The following E2F3 variants were observed in gnomAD, a reference collection of about 807,000 sequenced individuals.
E2F3 encodes the protein E2F transcription factor 3.
A neutral mutation model predicts 44.4 loss-of-function variants in E2F3; 11 were observed. The ratio of observed to expected loss-of-function variants is 0.25; its 90% CI spans 0.16 to 0.41. E2F3 has a LOEUF of 0.41. Among genes scored for constraint, E2F3 ranks in the 10% least tolerant of loss-of-function variants. The pLI, the probability that E2F3 is intolerant of heterozygous loss-of-function variation, is 1.00. For synonymous variants in E2F3, 249 were observed against 253.0 expected, an observed-to-expected ratio of 0.98 and a Z score of 0.15; for missense variants, 487 against 583.6, an observed-to-expected ratio of 0.83 and a Z score of 1.70.
chr6:20,491,633 CAGGAT>C lies in E2F3; in HGVS notation c.*1204_*1208del. 5.2e-6 allele frequency: 1 copy of C among 192,190 alleles called. No homozygotes were observed. Among genetic ancestry groups the C allele is most frequent in the East Asian group, 8.1e-5 (1 of 12,272 alleles). 11.9% of individuals were successfully genotyped at this position (192,190 alleles called of 1,614,324 possible). ...CACCGCACTCAGGGAGACCACTTCTCAGGATGGGGTCAGATGGAGAGACCTCTAGG... is the reference window on the plus strand; with the variant it reads ...CACCGCACTCAGGGAGACCACTTCTCGGGGTCAGATGGAGAGACCTCTAGG... On this transcript the variant is annotated 3_prime_UTR_variant, in exon 7 of 7. Transcript: ENST00000346618.
chr6:20,423,608 T>A (rs1760101575), intron 1 of E2F3, among the ~76,000 whole-genome samples: 2 of 151,294 alleles, frequency 1.3e-5, no homozygotes, highest in South Asian at 4.2e-4. Context: ...GTAACTGGGA[T>A]TACAGGCGCC....
At position 20,419,428 on chromosome 6, in the gene E2F3, C is replaced by T. The variant is rs538991574; in HGVS notation, c.393+16803C>T. Among the ~76,000 whole-genome samples the T allele has an allele frequency of 2.2e-4, 33 of 152,304 alleles. No individual in the cohort carries two copies. The South Asian group carries it at 5.2e-3, about 24-fold the overall frequency. ...CAAAAAGGCTGAACAAATTTATATTCCCACCACAAGTGTAGAGAGTTGCCT... is the reference window on the plus strand; with the variant it reads ...CAAAAAGGCTGAACAAATTTATATTTCCACCACAAGTGTAGAGAGTTGCCT... On this transcript the variant is annotated intron_variant, in intron 1 of 6. Coordinates refer to ENST00000346618, the MANE Select transcript of E2F3 (RefSeq NM_001949.5).
chr6:20,440,246 G>A (rs1300669702), intron 1 of E2F3: 2 of 152,074 alleles, frequency 1.3e-5, no homozygotes, highest in African/African-American at 4.8e-5. Context: ...TTTTGCCACA[G>A]GTACATGACT....
rs1367365186 is a variant in E2F3, at chr6:20,407,774, G to A, written c.393+5149G>A. Among the ~76,000 whole-genome samples the A allele has an allele frequency of 2.0e-5, 3 of 152,248 alleles. No homozygotes were observed. In the East Asian group the frequency reaches 5.8e-4, roughly 29 times the overall value. On this transcript the variant is annotated intron_variant, in intron 1 of 6. Coordinates refer to ENST00000346618, the MANE Select transcript of E2F3 (RefSeq NM_001949.5). Reference sequence around the variant, plus strand: ...GATTTTACAAATATTCCATTTGTAGGACCAGTTTACATCTACTTTCCCAAG... The same window carrying A: ...GATTTTACAAATATTCCATTTGTAGAACCAGTTTACATCTACTTTCCCAAG...
In E2F3 at chr6:20,490,799, C is replaced by T. The variant is rs1762534514; in HGVS notation, c.*369C>T. The T allele has an allele frequency of 4.2e-6, 1 of 235,598 alleles. No individual in the cohort carries two copies. The highest frequency in any genetic ancestry group is 1.8e-4 in the South Asian group (1 of 5,688). 14.6% of individuals were successfully genotyped at this position (235,598 alleles called of 1,614,324 possible). On this transcript the variant is annotated 3_prime_UTR_variant, in exon 7 of 7. Coordinates refer to ENST00000346618, the MANE Select transcript of E2F3 (RefSeq NM_001949.5). The surrounding 1 kb of genome is among the most constrained non-coding windows in gnomAD (Gnocchi z 4.3). ...GATGGGCTGTAGAATGGGGTCTGGCCACCTGGCCTGCTGGGAAACAGCAAT... is the reference window on the plus strand; with the variant it reads ...GATGGGCTGTAGAATGGGGTCTGGCTACCTGGCCTGCTGGGAAACAGCAAT...
chr6:20,405,891 A>G (rs1157375029), intron 1 of E2F3, among the ~76,000 whole-genome samples: 1 of 152,214 alleles, frequency 6.6e-6, no homozygotes, highest in Non-Finnish European at 1.5e-5. Context: ...AGTCTTAAGC[A>G]CTGAATATAA....
At chr6:20,425,985 C>A (rs1249267341) in intron 1 of E2F3, among the ~76,000 whole-genome samples, 1 of 152,180 alleles carries the variant, frequency 6.6e-6, no homozygotes, top group African/African-American at 2.4e-5. Context: ...CTGTTGAGCT[C>A]CCACTGGGAG....
Position 20,492,643 on chromosome 6 carries a change from G to GTT in E2F3, c.*2214_*2215dup. 4.3e-6 allele frequency: 1 copy of GTT among 232,050 alleles called. No individual in the cohort carries two copies. Among genetic ancestry groups the GTT allele is most frequent in the East Asian group, 6.1e-5 (1 of 16,480 alleles). The allele number at this position is 232,050 out of a possible 1,614,324, so 14.4% of individuals were successfully genotyped here. On this transcript the variant is annotated 3_prime_UTR_variant, in exon 7 of 7. Coordinates refer to ENST00000346618, the MANE Select transcript of E2F3 (RefSeq NM_001949.5). ...AAGACTGAGCTCACCTGGCTAGATT[G>GTT]TTGTGTGTTTTGTTGAATTTTTTCA...
At chr6:20,447,903 A>G (rs373796761) in intron 1 of E2F3, among the ~76,000 whole-genome samples, 2 of 152,186 alleles carry the variant, frequency 1.3e-5, no homozygotes, top group African/African-American at 4.8e-5. Context: ...AAGGTGAGCA[A>G]GTGGAGGCCC....
intron 1 of E2F3, among the ~76,000 whole-genome samples, chr6:20,436,780 A>G (rs975616966): frequency 6.6e-6 from 1 of 152,232 alleles, no homozygotes; most frequent in Non-Finnish European, 1.5e-5. Flanking sequence ...CTACTAAAGC[A>G]TAATGGTTAA....
intron 1 of E2F3, among the ~76,000 whole-genome samples, chr6:20,459,929 T>A (rs756981723): frequency 1.3e-5 from 2 of 152,198 alleles, no homozygotes; most frequent in Non-Finnish European, 2.9e-5. Flanking sequence ...AGCAAGACCC[T>A]GTCTCAAAAG....
intron 5 of E2F3, among the ~76,000 whole-genome samples, chr6:20,487,307 A>G (rs1762422840): frequency 6.6e-6 from 1 of 152,220 alleles, no homozygotes; most frequent in Non-Finnish European, 1.5e-5. Flanking sequence ...GGCCTAGACT[A>G]CAACTATAAC....
At chr6:20,460,798 C>G (rs1241186307) in intron 1 of E2F3, among the ~76,000 whole-genome samples, 2 of 151,652 alleles carry the variant, frequency 1.3e-5, no homozygotes, top group Non-Finnish European at 2.9e-5. Context: ...GAGTTCGAGA[C>G]CAGCCTGGCC....
At position 20,407,278 on chromosome 6, in the gene E2F3, G is replaced by C. The variant is rs558156719; in HGVS notation, c.393+4653G>C. Among the ~76,000 whole-genome samples the C allele has an allele frequency of 2.2e-4, 34 of 152,206 alleles. 2 individuals carry two copies. The South Asian group carries it at 6.2e-3, about 28-fold the overall frequency. On this transcript the variant is annotated intron_variant, in intron 1 of 6. Transcript: ENST00000346618. The stretch of plus-strand genomic sequence containing the variant: ...TTAATATAATGCAGTGCCCAGACTT[G>C]GGCACTACAGGTAGCTCCACTATAA...
chr6:20,424,617 T>C (rs1007403716), intron 1 of E2F3, among the ~76,000 whole-genome samples: 1 of 152,034 alleles, frequency 6.6e-6, no homozygotes. Context: ...AAAATTACAG[T>C]TTTTATGTTC....
rs149445580 is a variant in E2F3 at position 20,415,665 on chromosome 6, G to T, written c.393+13040G>T. 8.9e-3 allele frequency among the ~76,000 whole-genome samples: 1,358 copies of T among 152,260 alleles called. 13 individuals are homozygous for T. Among genetic ancestry groups the T allele is most frequent in the African/African-American group, 0.031 (1,292 of 41,540 alleles). ...AGTACATATTTAAATTTTAAAATAT[G>T]ATATACATTTTAAAAGCAACGGATT... is the stretch of plus-strand genomic sequence containing the variant. On this transcript the variant is annotated intron_variant, in intron 1 of 6. Coordinates refer to ENST00000346618, the MANE Select transcript of E2F3 (RefSeq NM_001949.5).
Position 20,473,326 on chromosome 6 carries a change from G to A in E2F3, c.394-6520G>A, listed in dbSNP as rs1761950997. On this transcript the variant is annotated intron_variant, in intron 1 of 6. Coordinates refer to ENST00000346618, the MANE Select transcript of E2F3 (RefSeq NM_001949.5). ...TAGTTATAAGCATGGACTTGTAGGT[G>A]TGCTTACTGGCTATAGAATCTTGGA... is the stretch of plus-strand genomic sequence containing the variant. 1.3e-5 allele frequency among the ~76,000 whole-genome samples: 2 copies of A among 152,166 alleles called. 1 individual carries two copies. Among genetic ancestry groups the A allele is most frequent in the South Asian group, 4.1e-4 (2 of 4,826 alleles).
intron 1 of E2F3, among the ~76,000 whole-genome samples, chr6:20,434,985 G>C (rs1760527305): frequency 6.6e-6 from 1 of 152,238 alleles, no homozygotes; most frequent in South Asian, 2.1e-4. Context: ...AGGGCCGACA[G>C]ATTTGGCGTC....
chr6:20,433,789 G>A (rs181306784), intron 1 of E2F3, among the ~76,000 whole-genome samples: 3 of 151,858 alleles, frequency 2.0e-5, no homozygotes, highest in Non-Finnish European at 4.4e-5. Context: ...CTGAGAAAAG[G>A]GGTCCAATAG....
Sources: gnomAD v4.1 joint callset for allele counts (sites outside exome capture counted in the v4.1 genomes callset) on GRCh38, gnomAD v4.1.1 for gene constraint, Gnocchi (gnomAD v3.1) non-coding constraint, MANE v1.5 for transcripts, NCBI Gene and HGNC (gene_info 2026-07-23, HGNC 2026-07-21) for gene names.